The following COPG1 variants were observed in gnomAD, a reference collection of about 807,000 sequenced individuals.
COPG1 encodes the protein coatomer subunit gamma-1.
A neutral mutation model predicts 102.8 loss-of-function variants in COPG1; 29 were observed. The ratio of observed to expected loss-of-function variants is 0.28; its 90% CI spans 0.21 to 0.38. The LOEUF (loss-of-function observed/expected upper bound fraction) is 0.38. COPG1 is among the 10% of genes least tolerant of loss of function. COPG1 has a pLI of 1.00. For missense variants in COPG1, 875 were observed against 1,132.7 expected (o/e 0.77, Z 3.27); for synonymous variants, 406 against 421.6 (o/e 0.96, Z 0.45).
intron 2 of COPG1, among the ~76,000 whole-genome samples, chr3:129,251,488 T>G (rs959724666): frequency 2.6e-5 from 4 of 151,600 alleles, no homozygotes; most frequent in Non-Finnish European, 4.4e-5. Context: ...GTTCAAGCAA[T>G]TTTTCTGTCT....
Position 129,271,934 on chromosome 3 carries a change from G to A in COPG1, c.1986+25G>A. 1 of 1,611,214 alleles carries A rather than the reference G, an allele frequency of 6.2e-7. No homozygotes were observed. Among genetic ancestry groups the A allele is most frequent in the Non-Finnish European group, 8.5e-7 (1 of 1,178,554 alleles). ...GGTGAGCAAGGTGGGCTGAGGCCCT[G>A]CTGGGGCATGCGCCCAGGGAGTTGT... On this transcript the variant is annotated intron_variant, in intron 19 of 23. Transcript: ENST00000314797. The surrounding 1 kb of genome is among the most constrained non-coding windows in gnomAD (Gnocchi z 4.7).
chr3:129,277,674 A>G lies in COPG1; in HGVS notation c.*250A>G. On this transcript the variant is annotated 3_prime_UTR_variant, in exon 24 of 24. Transcript: ENST00000314797. Reference sequence around the variant, plus strand: ...AATCTTGCTGTCCACCCTTCCAGGAAAGGGACATTGTAAATGAATAAAACA... The same window carrying G: ...AATCTTGCTGTCCACCCTTCCAGGAGAGGGACATTGTAAATGAATAAAACA... 2.5e-6 allele frequency: 1 copy of G among 404,550 alleles called. No individual in the cohort carries two copies. Among genetic ancestry groups the G allele is most frequent in the Admixed American group, 3.7e-5 (1 of 27,280 alleles). 25.1% of individuals were successfully genotyped at this position (404,550 alleles called of 1,614,324 possible).
rs540982231 is a variant in COPG1, at chr3:129,267,238, A to G, written c.1544+139A>G. 219 of 607,428 alleles carry G rather than the reference A, an allele frequency of 3.6e-4. 1 individual carries two copies. The highest frequency in any genetic ancestry group is 6.1e-4 in the Non-Finnish European group (211 of 348,632). The allele number at this position is 607,428 out of a possible 1,614,324, so 37.6% of individuals were successfully genotyped here. On this transcript the variant is annotated intron_variant, in intron 15 of 23. Transcript: ENST00000314797. ...TGATTGTAGAAAAAAAAGAGAAAGC[A>G]TAGAAAAGCATGAAAAACAATGCTG...
chr3:129,252,846 C>T (rs369537541), intron 4 of COPG1, 30 bp from the exon 5 acceptor site: 5 of 1,608,196 alleles, frequency 3.1e-6, no homozygotes, highest in Non-Finnish European at 4.3e-6. Context: ...TGAGCCCGGG[C>T]TGATAGGGCT....
At chr3:129,256,602 T>C (rs1354838906) in intron 8 of COPG1, among the ~76,000 whole-genome samples, 1 of 152,246 alleles carries the variant, frequency 6.6e-6, no homozygotes, top group Non-Finnish European at 1.5e-5. Flanking sequence ...TTTCCTTGTC[T>C]GTAAAATACG....
intron 6 of COPG1, 52 bp downstream of exon 6, chr3:129,254,795 G>T: frequency 6.6e-7 from 1 of 1,513,696 alleles, no homozygotes. Context: ...TGAGGCCTCG[G>T]CATCATCTTT....
intron 9 of COPG1, 26 bp downstream of exon 9, chr3:129,257,653 T>C (rs1332134313): frequency 6.2e-7 from 1 of 1,614,156 alleles, no homozygotes; most frequent in Non-Finnish European, 8.5e-7. Context: ...TCTCACCAGC[T>C]AGATGATGCC....
intron 12 of COPG1, among the ~76,000 whole-genome samples, chr3:129,262,666 T>C (rs1393553334): frequency 6.6e-6 from 1 of 150,568 alleles, no homozygotes; most frequent in African/African-American, 2.5e-5. Context: ...GAGGCTGCAG[T>C]GAGCCATGAT....
rs1237988485 is a variant in COPG1 at position 129,252,295 on chromosome 3, T to C, written c.105T>C (p.Asn35=). The C allele has an allele frequency of 3.7e-6, 6 of 1,610,786 alleles. No homozygotes were observed. The African/African-American group carries it at 4.0e-5, about 11-fold the overall frequency. Residue 35 remains asparagine, a synonymous_variant, in exon 3 of 24, where the codon AAT becomes AAC. Transcript: ENST00000314797. ...SAVLQEARVF[N]ETPINPRKCA... is the part of the protein sequence containing the mutation. Reference sequence around the variant, plus strand: ...TTTCTTCTTAGGCCCGTGTATTTAATGAAACTCCCATCAACCCTCGGAAAT... The same window carrying C: ...TTTCTTCTTAGGCCCGTGTATTTAACGAAACTCCCATCAACCCTCGGAAAT...
chr3:129,272,901 T>A lies in COPG1; in HGVS notation c.2253T>A (p.Tyr751Ter), dbSNP rs1940208446. ...ATGACGAAGGCTATGAGGATGAGTA[T>A]GTGGTAAGATCCTGGTGTCAGGAAG... Reference protein sequence around the residue: ...ETDDEGYEDEYVLEDLEVTVA... With the variant: ...ETDDEGYEDE The change falls in exon 21 of 24, where the codon TAT (tyrosine) becomes TAA (stop). Residue 751 changes from tyrosine to a stop codon, truncating the protein, a stop_gained. Coordinates refer to ENST00000314797, the MANE Select transcript of COPG1 (RefSeq NM_016128.4). LOFTEE classifies it high-confidence loss of function. 1.3e-6 allele frequency: 2 copies of A among 1,589,056 alleles called. No individual in the cohort carries two copies. Among genetic ancestry groups the A allele is most frequent in the East Asian group, 2.2e-5 (1 of 44,594 alleles).
Position 129,271,817 on chromosome 3 carries a change from T to C in COPG1, c.1894T>C (p.Ser632Pro). 6.2e-7 allele frequency: 1 copy of C among 1,614,208 alleles called. No individual in the cohort carries two copies. The highest frequency in any genetic ancestry group is 8.5e-7 in the Non-Finnish European group (1 of 1,180,034). Residue 632 changes from serine to proline, a missense_variant, in exon 19 of 24, where the codon TCC becomes CCC. By Grantham distance (74) the Ser-to-Pro change is moderately conservative. Coordinates refer to ENST00000314797, the MANE Select transcript of COPG1 (RefSeq NM_016128.4). The surrounding 1 kb of genome is among the most constrained non-coding windows in gnomAD (Gnocchi z 4.7). ...EFRGLGPLFK[S>P]SPEPVALTES... ...CCGCGGTCTTGGGCCCCTCTTCAAGTCCTCGCCTGAGCCCGTGGCCCTCAC... is the reference window on the plus strand; with the variant it reads ...CCGCGGTCTTGGGCCCCTCTTCAAGCCCTCGCCTGAGCCCGTGGCCCTCAC...
intron 7 of COPG1, among the ~76,000 whole-genome samples, chr3:129,255,546 G>A (rs528999547): frequency 1.5e-4 from 23 of 149,662 alleles, no homozygotes; most frequent in Admixed American, 4.7e-4. Flanking sequence ...GCAATGGCTC[G>A]ATTTCAGCTC....
intron 10 of COPG1, 155 bp from the exon 11 acceptor site, chr3:129,260,178 C>T (rs541001299): frequency 9.4e-5 from 65 of 687,940 alleles, no homozygotes; most frequent in South Asian, 5.8e-4. Flanking sequence ...GGCTCAGGTG[C>T]GCAGGGTGAG....
chr3:129,252,786 G>T (rs1016880138), intron 4 of COPG1, 90 bp from the exon 5 acceptor site: 4 of 1,545,758 alleles, frequency 2.6e-6, no homozygotes, highest in Non-Finnish European at 3.6e-6. Context: ...AGTCAGTGTG[G>T]GCTGCCTTTG....
chr3:129,274,948 C>T lies in COPG1; in HGVS notation c.2367C>T (p.Phe789=). The T allele has an allele frequency of 6.2e-7, 1 of 1,614,162 alleles. No homozygotes were observed. The highest frequency in any genetic ancestry group is 8.5e-7 in the Non-Finnish European group (1 of 1,179,998). Residue 789 remains phenylalanine (F), a synonymous_variant, in exon 22 of 24, where the codon TTC becomes TTT. Coordinates refer to ENST00000314797, the MANE Select transcript of COPG1 (RefSeq NM_016128.4). ...VGDEFEKEET[F]TLSTIKTLEE... Reference sequence around the variant, plus strand: ...ATGAATTTGAGAAGGAGGAAACGTTCACCTTGTCTACCATCAAGACACTTG... The same window carrying T: ...ATGAATTTGAGAAGGAGGAAACGTTTACCTTGTCTACCATCAAGACACTTG...
intron 12 of COPG1, 136 bp downstream of exon 12, chr3:129,260,943 T>C (rs942843398): frequency 1.2e-6 from 1 of 841,886 alleles, no homozygotes; most frequent in Non-Finnish European, 1.8e-6. Flanking sequence ...GCCAGCAGTT[T>C]GCTCTGCAGA....
chr3:129,275,273 C>A lies in COPG1; in HGVS notation c.2475C>A (p.Thr825=). The A allele has an allele frequency of 6.2e-7, 1 of 1,614,074 alleles. No homozygotes were observed. The highest frequency in any genetic ancestry group is 1.7e-5 in the Admixed American group (1 of 60,016). Residue 825 remains threonine (T), a synonymous_variant, in exon 23 of 24, where the codon ACC becomes ACA. Coordinates refer to ENST00000314797, the MANE Select transcript of COPG1 (RefSeq NM_016128.4). The surrounding 1 kb of genome is among the most constrained non-coding windows in gnomAD (Gnocchi z 5.0). ...ACAAAGTGCCGGATAACAAGAACAC[C>A]CACACGTTGCTCCTGGCTGGTAAGT... is the stretch of plus-strand genomic sequence containing the variant. The part of the protein sequence containing the change: ...RSDKVPDNKN[T]HTLLLAGVFR...
chr3:129,265,781 A>C lies in COPG1; in HGVS notation c.1457A>C (p.Glu486Ala). The change falls in exon 14 of 24, where the codon GAG (glutamate) becomes GCG (alanine). Residue 486 changes from glutamate (E) to alanine (A), a missense_variant. Coordinates refer to ENST00000314797, the MANE Select transcript of COPG1 (RefSeq NM_016128.4). ...AACCGAGTGGTCTTGGAGCATGAGG[A>C]GGTCCGGGCAGGTAGGTCTGAGCCA... ...IYNRVVLEHE[E>A]VRAGAVSALA... 1 of 1,613,984 alleles carries C rather than the reference A, an allele frequency of 6.2e-7. No individual in the cohort carries two copies. Among genetic ancestry groups the C allele is most frequent in the South Asian group, 1.1e-5 (1 of 91,062 alleles).
intron 3 of COPG1, 56 bp downstream of exon 3, chr3:129,252,417 T>C (rs2107672402): frequency 7.7e-7 from 1 of 1,303,616 alleles, no homozygotes; most frequent in Admixed American, 1.7e-5. Flanking sequence ...TGGAGGGGAG[T>C]GGACAAATCA....
Sources: allele counts gnomAD v4.1 joint callset (sites outside exome capture counted in the v4.1 genomes callset), GRCh38; gene constraint gnomAD v4.1.1; non-coding constraint Gnocchi (gnomAD v3.1); transcripts MANE v1.5; gene names NCBI Gene and HGNC (gene_info 2026-07-23, HGNC 2026-07-21).